Variants in ZNF528 observed in about 807,000 individuals in gnomAD.
ZNF528 encodes zinc finger protein 528.
In ZNF528, 9 loss-of-function variants were observed where a neutral mutation model predicts 13.3. The ratio of observed to expected loss-of-function variants is 0.67; its 90% CI spans 0.41 to 1.18. ZNF528 has a LOEUF of 1.18. ZNF528 is among the 50% of genes most tolerant of loss of function. The pLI is 0.01. For missense variants in ZNF528, 858 were observed against 745.4 expected, an observed-to-expected ratio of 1.15 and a Z score of -1.76; for synonymous variants, 264 against 254.3, an observed-to-expected ratio of 1.04 and a Z score of -0.36.
chr19:52,415,628 A>G lies in ZNF528; in HGVS notation c.776A>G (p.His259Arg). Residue 259 changes from histidine (H) to arginine (R), a missense_variant, in exon 7 of 7, where the codon CAT becomes CGT. Physicochemically the swap from His to Arg is conservative, Grantham distance 29. Transcript: ENST00000360465. ...LFSSNSNLSQ[H>R]QRIHTGEKPY... Reference sequence around the variant, plus strand: ...AGTAGCAATTCAAACCTTTCACAACATCAAAGAATTCATACTGGAGAGAAG... The same window carrying G: ...AGTAGCAATTCAAACCTTTCACAACGTCAAAGAATTCATACTGGAGAGAAG... 1 of 1,614,232 alleles carries G rather than the reference A, an allele frequency of 6.2e-7. No individual in the cohort carries two copies. The highest frequency in any genetic ancestry group is 8.5e-7 in the Non-Finnish European group (1 of 1,180,036).
At chr19:52,406,095 A>G in intron 5 of ZNF528, 62 bp downstream of exon 5, 5 of 1,548,450 alleles carry the variant, frequency 3.2e-6, no homozygotes, top group Non-Finnish European at 4.4e-6. Context: ...ATTGTGTCTT[A>G]TATGCCTCTT....
chr19:52,398,392 T>C lies in ZNF528; in HGVS notation c.-364T>C, dbSNP rs1335551634. ...GCCTCCCTTTTCCAGCCACCGGTTC[T>C]CCTGACCCCGAGTGTGGGGGGTGAC... is the stretch of plus-strand genomic sequence containing the variant. On this transcript the variant is annotated 5_prime_UTR_variant, in exon 2 of 7. Coordinates refer to ENST00000360465, the MANE Select transcript of ZNF528 (RefSeq NM_032423.3). 5.8e-6 allele frequency: 1 copy of C among 171,544 alleles called. No individual in the cohort carries two copies. 10.6% of individuals were successfully genotyped at this position (171,544 alleles called of 1,614,324 possible). A position where few individuals can be genotyped will look rare whatever the true frequency, so the allele number is the denominator to read the frequency against.
chr19:52,403,364 T>C (rs1009591759), intron 4 of ZNF528, among the ~76,000 whole-genome samples: 2 of 152,096 alleles, frequency 1.3e-5, no homozygotes, highest in Non-Finnish European at 2.9e-5. Flanking sequence ...ATGAAAAATA[T>C]GTAAAAAATA....
chr19:52,406,987 C>T, intron 6 of ZNF528: 1 of 281,618 alleles, frequency 3.6e-6, no homozygotes, highest in Non-Finnish European at 6.5e-6. Context: ...TTGGGTCACC[C>T]AGTCCAGAAT....
At chr19:52,413,925 G>T in intron 6 of ZNF528, 1 of 334,954 alleles carries the variant, frequency 3.0e-6, no homozygotes, top group Non-Finnish European at 5.6e-6. Flanking sequence ...GCCTGCCTGT[G>T]GAAACCATGG....
chr19:52,406,753 C>A, intron 6 of ZNF528, 110 bp downstream of exon 6: 2 of 1,364,606 alleles, frequency 1.5e-6, no homozygotes, highest in Non-Finnish European at 9.7e-7. Flanking sequence ...CTCACTGCAG[C>A]CTTGAATTCC....
intron 2 of ZNF528, among the ~76,000 whole-genome samples, chr19:52,401,246 TG>T (rs2058790400): frequency 6.6e-6 from 1 of 152,144 alleles, no homozygotes; most frequent in Admixed American, 6.6e-5. Flanking sequence ...ATAGGCTTCC[TG>T]AACTCCCCCA....
chr19:52,416,449 G>A lies in ZNF528; in HGVS notation c.1597G>A (p.Ala533Thr). ...TCAATGTGGCAAGGTCTTTAATCAA[G>A]CATCATACCTTACAAGACATCAAAT... ...CNQCGKVFNQ[A>T]SYLTRHQIIH... Residue 533 changes from alanine (A) to threonine (T), a missense_variant, in exon 7 of 7, where the codon GCA becomes ACA. Transcript: ENST00000360465. 6.2e-7 allele frequency: 1 copy of A among 1,614,098 alleles called. No individual in the cohort carries two copies. Among genetic ancestry groups the A allele is most frequent in the Non-Finnish European group, 8.5e-7 (1 of 1,180,016 alleles).
intron 6 of ZNF528, among the ~76,000 whole-genome samples, chr19:52,407,767 C>A (rs570149834): frequency 6.6e-6 from 1 of 152,010 alleles, no homozygotes; most frequent in African/African-American, 2.4e-5. Flanking sequence ...CAGAGTGAGA[C>A]CCTGTCTCAA....
At chr19:52,402,337 T>A in intron 4 of ZNF528, 2 of 506,674 alleles carry the variant, frequency 3.9e-6, no homozygotes, top group Non-Finnish European at 7.1e-6. Context: ...GGATCACATC[T>A]GGATGCACTG....
chr19:52,406,702 C>A, intron 6 of ZNF528, 59 bp downstream of exon 6: 1 of 1,554,620 alleles, frequency 6.4e-7, no homozygotes, highest in South Asian at 1.3e-5. Context: ...GAGACAGGGT[C>A]TAACGCTGTC....
At position 52,415,294 on chromosome 19, in the gene ZNF528, CT is replaced by C. The variant is rs2058985777; in HGVS notation, c.444del (p.Glu149LysfsTer12). ...PVSDNSSVSP[L>X]EKISSSVKSH... ...CAGTGACAATTCCTCAGTTTCACCGCTTGAAAAAATTTCTTCCAGTGTCAAA... is the reference window on the plus strand; with the variant it reads ...CAGTGACAATTCCTCAGTTTCACCGCTGAAAAAATTTCTTCCAGTGTCAAA... On this transcript the variant is annotated frameshift_variant, in exon 7 of 7. Transcript: ENST00000360465. LOFTEE classifies it low-confidence loss of function (END_TRUNC). 1.2e-6 allele frequency: 2 copies of C among 1,612,660 alleles called. No individual in the cohort carries two copies. Among genetic ancestry groups the C allele is most frequent in the Non-Finnish European group, 1.7e-6 (2 of 1,179,718 alleles).
At chr19:52,407,579 C>G (rs1051226376) in intron 6 of ZNF528, among the ~76,000 whole-genome samples, 2 of 151,814 alleles carry the variant, frequency 1.3e-5, no homozygotes, top group African/African-American at 4.8e-5. Flanking sequence ...AGTCCGAGAC[C>G]AGCCTGGCCA....
intron 2 of ZNF528, among the ~76,000 whole-genome samples, chr19:52,398,932 AT>A (rs1568675017): frequency 6.6e-6 from 1 of 152,156 alleles, no homozygotes; most frequent in African/African-American, 2.4e-5. Flanking sequence ...CGAAGATGGA[AT>A]TTAACAGGGA....
intron 4 of ZNF528, 77 bp downstream of exon 4, chr19:52,402,105 G>T (rs911435689): frequency 1.2e-5 from 19 of 1,605,874 alleles, no homozygotes; most frequent in South Asian, 2.2e-5. Flanking sequence ...GCTAATCTTT[G>T]ACTCTGAAGC....
At chr19:52,406,192 C>A (rs1056873226) in intron 5 of ZNF528, among the ~76,000 whole-genome samples, 159 bp downstream of exon 5, 1 of 152,170 alleles carries the variant, frequency 6.6e-6, no homozygotes. Context: ...CTTGAAATGT[C>A]CCCTTTCTTC....
At chr19:52,404,439 G>T (rs1295308455) in intron 4 of ZNF528, among the ~76,000 whole-genome samples, 3 of 152,156 alleles carry the variant, frequency 2.0e-5, no homozygotes, top group South Asian at 4.2e-4. Flanking sequence ...TGTTGGCCAG[G>T]ATGCTCTCAG....
intron 6 of ZNF528, among the ~76,000 whole-genome samples, chr19:52,410,123 A>T (rs540435758): frequency 8.9e-4 from 135 of 152,326 alleles, no homozygotes; most frequent in African/African-American, 3.2e-3. Context: ...TTTACATAAG[A>T]ACTGTACAAG....
At position 52,415,323 on chromosome 19, in the gene ZNF528, C is replaced by T; in HGVS notation, c.471C>T (p.Ser157=). Reference sequence around the variant, plus strand: ...AAAAAATTTCTTCCAGTGTCAAATCCCACCTTTTAAATAAATATAGAAATA... The same window carrying T: ...AAAAAATTTCTTCCAGTGTCAAATCTCACCTTTTAAATAAATATAGAAATA... ...PLEKISSSVK[S]HLLNKYRNNF... is the part of the protein sequence containing the mutation. Residue 157 remains serine (S), a synonymous_variant, in exon 7 of 7, where the codon TCC becomes TCT. Transcript: ENST00000360465. 6.2e-7 allele frequency: 1 copy of T among 1,612,138 alleles called. No individual in the cohort carries two copies. Among genetic ancestry groups the T allele is most frequent in the South Asian group, 1.1e-5 (1 of 90,558 alleles).
Sources: gnomAD v4.1 joint callset for allele counts (sites outside exome capture counted in the v4.1 genomes callset) on GRCh38, gnomAD v4.1.1 for gene constraint, MANE v1.5 for transcripts, NCBI Gene and HGNC (gene_info 2026-07-23, HGNC 2026-07-21) for gene names.